The following PIGN variants were observed in gnomAD, a reference collection of about 807,000 sequenced individuals.
PIGN encodes GPI ethanolamine phosphate transferase 1.
A neutral mutation model predicts 125.4 loss-of-function variants in PIGN; 117 were observed. The observed-to-expected ratio is 0.93, with a 90% confidence interval of 0.80 to 1.09. The LOEUF is 1.09. Ranked by LOEUF, PIGN falls within the 50% of genes least tolerant of loss-of-function variation. The probability of loss-of-function intolerance (pLI) is 0.00; values close to 1 mark genes in which losing one functional copy is unlikely to be tolerated. For missense variants in PIGN, 1,075 were observed against 1,094.9 expected, an observed-to-expected ratio of 0.98 and a Z score of 0.26; for synonymous variants, 392 against 377.8, an observed-to-expected ratio of 1.04 and a Z score of -0.44.
chr18:62,082,542 T>C (rs539010790), intron 28 of PIGN, 131 bp downstream of exon 28: 7 of 510,524 alleles, frequency 1.4e-5, no homozygotes, highest in African/African-American at 7.9e-5. Context: ...CGGGTGAAAA[T>C]TTTCTCATTT....
At position 62,171,911 on chromosome 18, in the gene PIGN, A is replaced by G. The variant is rs538918214; in HGVS notation, c.-235-8255T>C. Among the ~76,000 whole-genome samples the G allele has an allele frequency of 2.0e-5, 3 of 152,300 alleles. No individual in the cohort carries two copies. In the South Asian group the frequency reaches 6.2e-4, roughly 32 times the overall value. ...TTTTGCAGCAAAGTTTATGAAAGATATAAGACTATAATTTTCTTTTCTTAT... is the reference window on the plus strand; with the variant it reads ...TTTTGCAGCAAAGTTTATGAAAGATGTAAGACTATAATTTTCTTTTCTTAT... On this transcript the variant is annotated intron_variant, in intron 1 of 30. Coordinates refer to ENST00000640252, the MANE Select transcript of PIGN (RefSeq NM_176787.5).
At chr18:62,087,706 C>T (rs887169213) in intron 25 of PIGN, among the ~76,000 whole-genome samples, 8 of 152,090 alleles carry the variant, frequency 5.3e-5, no homozygotes, top group Admixed American at 4.6e-4. Flanking sequence ...GACTCTGCAC[C>T]ATGGTCAGCT....
At chr18:62,132,811 A>G (rs544161384) in intron 14 of PIGN, among the ~76,000 whole-genome samples, 316 of 152,322 alleles carry the variant, frequency 2.1e-3, no homozygotes, top group African/African-American at 7.2e-3. Context: ...TAATCAATGT[A>G]GAATTTAGTT....
intron 14 of PIGN, among the ~76,000 whole-genome samples, chr18:62,127,877 A>G (rs549597131): frequency 3.4e-4 from 51 of 152,142 alleles, no homozygotes; most frequent in Non-Finnish European, 5.7e-4. Context: ...GCCATAATAA[A>G]CATACATAAT....
In PIGN at chr18:62,056,135, A is replaced by G. The variant is rs770529852; in HGVS notation, c.2673-10156T>C. Among the ~76,000 whole-genome samples the G allele has an allele frequency of 3.3e-5, 5 of 150,336 alleles. No individual in the cohort carries two copies. In the Middle Eastern group the frequency reaches 0.014, roughly 409 times the overall value. On this transcript the variant is annotated intron_variant, in intron 30 of 30. Transcript: ENST00000640252. ...CAGACTCTCCCAAAATAGAATAAGC[A>G]TAATCAATACCGAAAGCTAAAAAGC...
chr18:62,143,076 C>T (rs757476634), intron 11 of PIGN, among the ~76,000 whole-genome samples: 7 of 152,092 alleles, frequency 4.6e-5, no homozygotes, highest in Non-Finnish European at 8.8e-5. Flanking sequence ...AAATAATTAT[C>T]CAATGTTATT....
chr18:62,125,155 CATGTTTGTACATAT>C lies in PIGN; in HGVS notation c.1173-10530_1173-10517del, dbSNP rs1568203081. On this transcript the variant is annotated intron_variant, in intron 14 of 30. Transcript: ENST00000640252. ...ACACGTTTGTACATATGTGTATATACATGTTTGTACATATGTGTATATAAATATACACGTTTGTA... is the reference window on the plus strand; with the variant it reads ...ACACGTTTGTACATATGTGTATATACGTGTATATAAATATACACGTTTGTA... Among the ~76,000 whole-genome samples, 123 of 53,936 alleles carry C rather than the reference CATGTTTGTACATAT, an allele frequency of 2.3e-3. 1 individual carries two copies. The highest frequency in any genetic ancestry group is 6.8e-3 in the Admixed American group (29 of 4,256). The allele number at this position is 53,936 out of a possible 152,430, so 35.4% of individuals were successfully genotyped here.
chr18:62,074,210 T>A (rs62095277), intron 29 of PIGN, among the ~76,000 whole-genome samples: 1 of 152,150 alleles, frequency 6.6e-6, no homozygotes, highest in Non-Finnish European at 1.5e-5. Flanking sequence ...CATTCAGTGA[T>A]TTCAGTGAAT....
At chr18:62,164,966 G>C (rs1043940205) in intron 1 of PIGN, among the ~76,000 whole-genome samples, 2 of 152,158 alleles carry the variant, frequency 1.3e-5, no homozygotes, top group Non-Finnish European at 2.9e-5. Context: ...GGTTGCTATG[G>C]TTTGTGCTTT....
intron 30 of PIGN, among the ~76,000 whole-genome samples, chr18:62,049,136 T>G (rs1459108245): frequency 2.0e-5 from 3 of 151,584 alleles, no homozygotes; most frequent in Non-Finnish European, 4.4e-5. Context: ...AAGTCTTTGC[T>G]ATTGTGAATA....
At chr18:62,163,720 T>C (rs2037035072) in intron 1 of PIGN, 64 bp from the exon 2 acceptor site, 1 of 152,154 alleles carries the variant, frequency 6.6e-6, no homozygotes, top group African/African-American at 2.4e-5. Flanking sequence ...TTTTAGACAT[T>C]TTAAAGCACA....
At position 62,088,837 on chromosome 18, in the gene PIGN, G is replaced by T. The variant is rs772464641; in HGVS notation, c.2289C>A (p.Thr763=). The stretch of plus-strand genomic sequence containing the variant: ...CAGTATTATAAGAGAACTGGATACT[G>T]GTGAGCTGTGAGATAATAAGAAAAA... ...QSGVCCKQKL[T]SIQFSYNTDI... The change falls in exon 25 of 31, where the codon ACC becomes ACA. Residue 763 remains threonine (T), a synonymous_variant. Transcript: ENST00000640252. 1 of 1,526,650 alleles carries T rather than the reference G, an allele frequency of 6.6e-7. No homozygotes were observed. The highest frequency in any genetic ancestry group is 1.2e-5 in the South Asian group (1 of 83,484). 94.6% of individuals were successfully genotyped at this position (1,526,650 alleles called of 1,614,324 possible). A position where few individuals can be genotyped will look rare whatever the true frequency, so the allele number is the denominator to read the frequency against.
intron 12 of PIGN, among the ~76,000 whole-genome samples, chr18:62,140,008 T>G (rs1250215950): frequency 6.6e-6 from 1 of 152,188 alleles, no homozygotes; most frequent in African/African-American, 2.4e-5. Flanking sequence ...TACTTATACA[T>G]TTCTATCAAT....
chr18:62,176,784 G>A (rs1041849803), intron 1 of PIGN, among the ~76,000 whole-genome samples: 1 of 152,038 alleles, frequency 6.6e-6, no homozygotes, highest in Admixed American at 6.6e-5. Context: ...GGAAAAACTA[G>A]TTAACTTCAA....
intron 4 of PIGN, among the ~76,000 whole-genome samples, chr18:62,160,278 A>G (rs1248931770): frequency 6.6e-6 from 1 of 152,210 alleles, no homozygotes; most frequent in African/African-American, 2.4e-5. Flanking sequence ...ACTAATCAGA[A>G]AAAGAGCAAT....
intron 30 of PIGN, among the ~76,000 whole-genome samples, chr18:62,060,254 C>G (rs1291810243): frequency 6.6e-6 from 1 of 152,212 alleles, no homozygotes; most frequent in African/African-American, 2.4e-5. Flanking sequence ...CACTCCCCTC[C>G]CATGACTATT....
At position 62,145,995 on chromosome 18, in the gene PIGN, G is replaced by C. The variant is rs1218680969; in HGVS notation, c.836C>G (p.Thr279Ser). 6.3e-7 allele frequency: 1 copy of C among 1,599,962 alleles called. No homozygotes were observed. The highest frequency in any genetic ancestry group is 8.5e-7 in the Non-Finnish European group (1 of 1,171,638). Residue 279 changes from threonine to serine, a missense_variant, in exon 10 of 31, where the codon ACT becomes AGT. Physicochemically the swap from Thr to Ser is moderately conservative, Grantham distance 58. Coordinates refer to ENST00000640252, the MANE Select transcript of PIGN (RefSeq NM_176787.5). ...GSHGAGHPSE[T>S]LTPLVTWGAG... ...TCCCCAAGTGACTAAAGGAGTTAAA[G>C]TCTCTGAAGGATGACCAGCCCCATG... is the stretch of plus-strand genomic sequence containing the variant.
chr18:62,114,636 C>A lies in PIGN; in HGVS notation c.1176G>T (p.Leu392=). Residue 392 remains leucine (L), a synonymous_variant, in exon 15 of 31, where the codon CTG becomes CTT. Coordinates refer to ENST00000640252, the MANE Select transcript of PIGN (RefSeq NM_176787.5). ...TLPFLFTPFK[L]LSDSKQFNIL... ...TGTTGAACTGTTTGGAATCAGAAAG[C>A]AGTCTATATATAAAAAAAAGAATAG... The A allele has an allele frequency of 6.9e-7, 1 of 1,440,300 alleles. No individual in the cohort carries two copies. The highest frequency in any genetic ancestry group is 9.5e-7 in the Non-Finnish European group (1 of 1,050,100). The allele number at this position is 1,440,300 out of a possible 1,614,324, so 89.2% of individuals were successfully genotyped here. A position where few individuals can be genotyped will look rare whatever the true frequency, so the allele number is the denominator to read the frequency against.
chr18:62,104,740 A>G (rs543061162), intron 20 of PIGN, among the ~76,000 whole-genome samples: 1 of 152,322 alleles, frequency 6.6e-6, no homozygotes, highest in Admixed American at 6.5e-5. Context: ...ATATACCATT[A>G]TCCATTACAG....
Sources: allele counts gnomAD v4.1 joint callset (sites outside exome capture counted in the v4.1 genomes callset), GRCh38; gene constraint gnomAD v4.1.1; transcripts MANE v1.5; gene names NCBI Gene and HGNC (gene_info 2026-07-23, HGNC 2026-07-21).